The following RANBP2 variants were observed in gnomAD, a reference collection of about 807,000 sequenced individuals.
The protein encoded by RANBP2 is E3 SUMO-protein ligase RanBP2.
A neutral mutation model predicts 303.6 loss-of-function variants in RANBP2; 57 were observed. The ratio of observed to expected loss-of-function variants is 0.19; its 90% confidence interval spans 0.15 to 0.23. The LOEUF (loss-of-function observed/expected upper bound fraction) is 0.23, where lower values mean the gene tolerates loss of function less well. Ranked by LOEUF, RANBP2 falls within the 10% of genes least tolerant of loss-of-function variation. The probability of loss-of-function intolerance (pLI) is 1.00; values close to 1 mark genes in which losing one functional copy is unlikely to be tolerated. For synonymous variants in RANBP2, 1,167 were observed against 1,301.5 expected (o/e 0.90, Z 2.23); for missense variants, 3,138 against 3,780.8 (o/e 0.83, Z 4.46).
chr2:108,901,392 C>G, the RANBP2 span, among the ~76,000 whole-genome samples: 1 of 152,152 alleles, frequency 6.6e-6, no homozygotes, highest in Non-Finnish European at 1.5e-5. Context: ...AGTTAACAAT[C>G]TAAGCTCCCA....
At chr2:109,166,219 C>G in the RANBP2 span, among the ~76,000 whole-genome samples, 1 of 152,174 alleles carries the variant, frequency 6.6e-6, no homozygotes, top group South Asian at 2.1e-4. Flanking sequence ...TGGCTTATGC[C>G]TGTCATCCCA....
In RANBP2 at chr2:108,748,921, G is replaced by A. The variant is rs753909167; in HGVS notation, c.1065G>A (p.Gly355=). The change falls in exon 9 of 29, where the codon GGG becomes GGA. Residue 355 remains glycine (G), a splice_region_variant and synonymous_variant. Transcript: ENST00000283195. ...MMACDRLSQS[G]HMLLNLSRGK... ...AAATAACTTAAATTTTTTTTTCAGG[G>A]CACATGTTGCTAAACTTAAGTCGTG... The A allele has an allele frequency of 3.1e-6, 5 of 1,611,626 alleles. No individual in the cohort carries two copies. The East Asian group carries it at 1.1e-4, about 36-fold the overall frequency.
the RANBP2 span, chr2:109,490,907 C>T: frequency 1.3e-6 from 2 of 1,515,408 alleles, no homozygotes; most frequent in South Asian, 1.2e-5. Flanking sequence ...CTGCCATCCG[C>T]CCCGAGCCCA....
chr2:109,524,536 T>C, the RANBP2 span, among the ~76,000 whole-genome samples: 1 of 150,718 alleles, frequency 6.6e-6, no homozygotes, highest in Non-Finnish European at 1.5e-5. Flanking sequence ...GTAGGCAGAT[T>C]ACTTGAGGCT....
At chr2:109,474,762 C>T in the RANBP2 span, among the ~76,000 whole-genome samples, 2 of 152,194 alleles carry the variant, frequency 1.3e-5, no homozygotes, top group African/African-American at 4.8e-5. Flanking sequence ...TCCAGTGATC[C>T]GAGGCCCTGC....
At chr2:109,033,672 T>C in the RANBP2 span, among the ~76,000 whole-genome samples, 1 of 152,044 alleles carries the variant, frequency 6.6e-6, no homozygotes, top group Non-Finnish European at 1.5e-5. Context: ...TACTTTTTTT[T>C]TGAGAGGCGG....
chr2:109,429,259 GA>G, the RANBP2 span, among the ~76,000 whole-genome samples: 2 of 152,174 alleles, frequency 1.3e-5, no homozygotes, highest in Non-Finnish European at 2.9e-5. Flanking sequence ...CCGCATGCCA[GA>G]AAACAGACCC....
At chr2:109,235,086 C>G in the RANBP2 span, among the ~76,000 whole-genome samples, 5 of 152,170 alleles carry the variant, frequency 3.3e-5, no homozygotes, top group African/African-American at 1.2e-4. Flanking sequence ...AGCTTTAGAA[C>G]CAGACCACAG....
the RANBP2 span, among the ~76,000 whole-genome samples, chr2:109,551,354 T>C: frequency 7.6e-4 from 116 of 152,382 alleles, 1 homozygote; most frequent in African/African-American, 2.7e-3. Context: ...GGTATCTTTT[T>C]ATTAGTGAAT....
Position 108,765,573 on chromosome 2 carries a change from T to C in RANBP2, c.5034T>C (p.Asn1678=), listed in dbSNP as rs2149277667. The change falls in exon 20 of 29, where the codon AAT becomes AAC. Residue 1678 remains asparagine, a synonymous_variant. Coordinates refer to ENST00000283195, the MANE Select transcript of RANBP2 (RefSeq NM_006267.5). ...QWDCSVCLVR[N]EASATKCIAC... is the part of the protein sequence containing the mutation. ...ATTGCAGTGTGTGCTTAGTAAGAAA[T>C]GAAGCCAGTGCTACCAAATGTATTG... The C allele has an allele frequency of 6.7e-7, 1 of 1,502,466 alleles. No homozygotes were observed. The highest frequency in any genetic ancestry group is 8.9e-7 in the Non-Finnish European group (1 of 1,122,366). 93.1% of individuals were successfully genotyped at this position (1,502,466 alleles called of 1,614,324 possible).
chr2:108,983,445 G>A, the RANBP2 span, among the ~76,000 whole-genome samples: 1 of 152,086 alleles, frequency 6.6e-6, no homozygotes. Flanking sequence ...CATCTAACTG[G>A]GTAAATAAAA....
chr2:109,128,911 G>A, the RANBP2 span: 1 of 358,916 alleles, frequency 2.8e-6, no homozygotes, highest in Admixed American at 3.3e-5. Context: ...CCAAGCGAAG[G>A]GAAGTCCTGC....
At chr2:108,933,684 T>C in the RANBP2 span, among the ~76,000 whole-genome samples, 5 of 152,132 alleles carry the variant, frequency 3.3e-5, no homozygotes, top group East Asian at 7.7e-4. Flanking sequence ...TGAGGCAAGA[T>C]TGAGGAGCCA....
At chr2:109,447,160 A>AAG in the RANBP2 span, among the ~76,000 whole-genome samples, 1 of 149,890 alleles carries the variant, frequency 6.7e-6, no homozygotes, top group Non-Finnish European at 1.5e-5. Flanking sequence ...AAAAAAAAAA[A>AAG]AAAAAAAAGA....
chr2:109,038,630 T>C, the RANBP2 span, among the ~76,000 whole-genome samples: 4 of 152,084 alleles, frequency 2.6e-5, no homozygotes, highest in African/African-American at 9.7e-5. Flanking sequence ...GCAAACCACA[T>C]AGCTGACAAA....
chr2:108,889,709 G>A, the RANBP2 span, among the ~76,000 whole-genome samples: 46 of 152,136 alleles, frequency 3.0e-4, no homozygotes, highest in Non-Finnish European at 2.1e-4. Context: ...TGTAAGAGGC[G>A]TATAGTTAGA....
the RANBP2 span, among the ~76,000 whole-genome samples, chr2:109,411,173 G>A: frequency 1.1e-4 from 16 of 152,322 alleles, no homozygotes; most frequent in South Asian, 2.1e-3. Context: ...TCTCAACCTC[G>A]TTATGAATAC....
In RANBP2 at chr2:108,754,849, T is replaced by C; in HGVS notation, c.2203-56T>C. 2.5e-6 allele frequency: 4 copies of C among 1,608,356 alleles called. No homozygotes were observed. In the South Asian group the frequency reaches 3.3e-5, roughly 13 times the overall value. On this transcript the variant is annotated intron_variant, in intron 15 of 28. Coordinates refer to ENST00000283195, the MANE Select transcript of RANBP2 (RefSeq NM_006267.5). ...GATAAAATATATCATTTTAGAGTTT[T>C]TACTTTTGGAATTTTTTGCAAATGA...
the RANBP2 span, chr2:108,812,773 C>A: frequency 1.2e-6 from 2 of 1,611,220 alleles, no homozygotes; most frequent in Non-Finnish European, 1.7e-6. Flanking sequence ...TGAGTTTACT[C>A]ATTTAGATAC....
Sources: allele counts gnomAD v4.1 joint callset (sites outside exome capture counted in the v4.1 genomes callset), GRCh38; gene constraint gnomAD v4.1.1; transcripts MANE v1.5; gene names NCBI Gene and HGNC (gene_info 2026-07-23, HGNC 2026-07-21).